The following TAF3 variants were observed in gnomAD, a reference collection of about 807,000 sequenced individuals.
TAF3 encodes the protein transcription initiation factor TFIID subunit 3.
TAF3 carries 7 observed loss-of-function variants against 80.6 expected under a neutral mutation model. The observed-to-expected ratio is 0.09, with a 90% CI of 0.05 to 0.16. The LOEUF (loss-of-function observed/expected upper bound fraction) is 0.16, where lower values mean the gene tolerates loss of function less well. Among genes scored for constraint, TAF3 ranks in the 10% least tolerant of loss-of-function variants. The pLI is 1.00. For synonymous variants in TAF3, 444 were observed against 446.1 expected, an observed-to-expected ratio of 1.00 and a Z score of 0.06; for missense variants, 921 against 1,140.2, an observed-to-expected ratio of 0.81 and a Z score of 2.77.
In TAF3 at chr10:7,818,673, G is replaced by C; in HGVS notation, c.-37G>C. The C allele has an allele frequency of 6.3e-7, 1 of 1,591,776 alleles. No homozygotes were observed. Among genetic ancestry groups the C allele is most frequent in the Non-Finnish European group, 8.5e-7 (1 of 1,171,778 alleles). ...GGTCTGGCGGCGGGGCTGGAGAGCA[G>C]TGGCAGCAAGGGCTGCGGTGGCGTC... On this transcript the variant is annotated 5_prime_UTR_variant, in exon 1 of 7. Coordinates refer to ENST00000344293, the MANE Select transcript of TAF3 (RefSeq NM_031923.4).
chr10:7,962,594 C>G (rs186270459), intron 2 of TAF3, among the ~76,000 whole-genome samples: 41 of 152,344 alleles, frequency 2.7e-4, no homozygotes, highest in African/African-American at 9.4e-4. Flanking sequence ...GTTTCTCTTA[C>G]ACTCCCCGTG....
chr10:7,873,261 A>G (rs1837283573), intron 2 of TAF3, among the ~76,000 whole-genome samples: 1 of 152,108 alleles, frequency 6.6e-6, no homozygotes, highest in Non-Finnish European at 1.5e-5. Flanking sequence ...GAAATACTCT[A>G]GCTAAAAAGT....
chr10:7,883,765 T>C (rs1275460038), intron 2 of TAF3, among the ~76,000 whole-genome samples: 1 of 152,200 alleles, frequency 6.6e-6, no homozygotes, highest in African/African-American at 2.4e-5. Context: ...TTTTACTCAG[T>C]ATATTATACT....
chr10:7,865,588 G>A (rs925307500), intron 2 of TAF3, among the ~76,000 whole-genome samples: 11 of 152,220 alleles, frequency 7.2e-5, no homozygotes, highest in African/African-American at 2.7e-4. Flanking sequence ...GGAGGTGGGC[G>A]TAGTAACAGG....
rs1831543535 is a variant in TAF3 at position 7,964,212 on chromosome 10, G to A, written c.702G>A (p.Gln234=). 2 of 1,614,148 alleles carry A rather than the reference G, an allele frequency of 1.2e-6. No homozygotes were observed. The highest frequency in any genetic ancestry group is 2.7e-5 in the African/African-American group (2 of 75,018). ...CAATGCTTTCTCCAGTCCATGTACA[G>A]GACAGTACAGACTTGGCACCTCCCT... ...IPPMLSPVHV[Q]DSTDLAPPSP... The change falls in exon 3 of 7, where the codon CAG becomes CAA. Residue 234 remains glutamine, a synonymous_variant. Transcript: ENST00000344293. The surrounding 1 kb of genome is among the most constrained non-coding windows in gnomAD (Gnocchi z 4.1).
chr10:7,992,690 T>C (rs2131429197), intron 4 of TAF3, among the ~76,000 whole-genome samples: 1 of 152,310 alleles, frequency 6.6e-6, no homozygotes, highest in East Asian at 1.9e-4. Flanking sequence ...ACCTAGTAGT[T>C]CATATGTGCC....
At chr10:7,915,085 T>C (rs1045490828) in intron 2 of TAF3, among the ~76,000 whole-genome samples, 1 of 151,430 alleles carries the variant, frequency 6.6e-6, no homozygotes, top group African/African-American at 2.4e-5. Flanking sequence ...GGACTACAGG[T>C]GCCTGCCACC....
intron 2 of TAF3, among the ~76,000 whole-genome samples, chr10:7,825,276 A>G (rs1836728799): frequency 6.6e-6 from 1 of 152,208 alleles, no homozygotes; most frequent in South Asian, 2.1e-4. Flanking sequence ...AAATTCTAAA[A>G]CCTGTATACT....
chr10:7,864,822 C>CT (rs35873776), intron 2 of TAF3, among the ~76,000 whole-genome samples: 160 of 150,030 alleles, frequency 1.1e-3, no homozygotes, highest in Middle Eastern at 3.4e-3. Context: ...TATAGTTTAT[C>CT]TTTTTTTTTT....
chr10:7,942,316 A>C (rs1346330700), intron 2 of TAF3, among the ~76,000 whole-genome samples: 1 of 152,238 alleles, frequency 6.6e-6, no homozygotes, highest in Non-Finnish European at 1.5e-5. Context: ...ATATTTTATC[A>C]AACATATTTT....
intron 2 of TAF3, among the ~76,000 whole-genome samples, chr10:7,863,951 A>G (rs775289051): frequency 1.3e-4 from 20 of 152,012 alleles, no homozygotes; most frequent in Non-Finnish European, 2.6e-4. Context: ...GAACAGTTTT[A>G]GATTCATAGC....
chr10:7,836,255 A>G (rs550523279), intron 2 of TAF3, among the ~76,000 whole-genome samples: 1 of 150,246 alleles, frequency 6.7e-6, no homozygotes, highest in African/African-American at 2.4e-5. Flanking sequence ...CCCTGCAACC[A>G]GTTGCAGTTG....
intron 2 of TAF3, among the ~76,000 whole-genome samples, chr10:7,864,823 T>C (rs1183021014): frequency 6.3e-5 from 1 of 15,988 alleles, no homozygotes; most frequent in African/African-American, 1.3e-4. Flanking sequence ...ATAGTTTATC[T>C]TTTTTTTTTT....
At chr10:7,916,492 T>C (rs2131184502) in intron 2 of TAF3, among the ~76,000 whole-genome samples, 1 of 152,366 alleles carries the variant, frequency 6.6e-6, no homozygotes, top group East Asian at 1.9e-4. Flanking sequence ...CTAATATACC[T>C]ATATGTCTCC....
intron 2 of TAF3, among the ~76,000 whole-genome samples, chr10:7,876,695 C>T (rs1564354214): frequency 6.6e-6 from 1 of 152,164 alleles, no homozygotes; most frequent in African/African-American, 2.4e-5. Context: ...TCCTAAAAGT[C>T]AGGAAAGTTC....
intron 2 of TAF3, among the ~76,000 whole-genome samples, chr10:7,941,306 TTTG>T (rs1837973647): frequency 6.6e-6 from 1 of 152,260 alleles, no homozygotes; most frequent in Non-Finnish European, 1.5e-5. Flanking sequence ...ACAGTAAATA[TTTG>T]TTGAATTAAA....
chr10:7,922,884 G>A (rs1035421185), intron 2 of TAF3, among the ~76,000 whole-genome samples: 41 of 152,104 alleles, frequency 2.7e-4, no homozygotes, highest in African/African-American at 8.2e-4. Flanking sequence ...CATAATTGGA[G>A]CAGTGTCTTG....
rs549209246 is a variant in TAF3, at chr10:7,970,171, G to A, written c.2232+4429G>A. Among the ~76,000 whole-genome samples, 100 of 152,262 alleles carry A rather than the reference G, an allele frequency of 6.6e-4. No homozygotes were observed. The South Asian group carries it at 0.018, about 28-fold the overall frequency. On this transcript the variant is annotated intron_variant, in intron 3 of 6. Transcript: ENST00000344293. ...AACCCCTGCATAATTGGGAGTTGTCGACAATGGAAAGCCCATAAATTCTAG... is the reference window on the plus strand; with the variant it reads ...AACCCCTGCATAATTGGGAGTTGTCAACAATGGAAAGCCCATAAATTCTAG...
At chr10:7,959,633 ATGAGT>A (rs1335673862) in intron 2 of TAF3, among the ~76,000 whole-genome samples, 7 of 152,210 alleles carry the variant, frequency 4.6e-5, no homozygotes, top group African/African-American at 1.7e-4. Context: ...TGATACCGTT[ATGAGT>A]TATTTGAGCT....
Sources: allele counts gnomAD v4.1 joint callset (sites outside exome capture counted in the v4.1 genomes callset), GRCh38; gene constraint gnomAD v4.1.1; non-coding constraint Gnocchi (gnomAD v3.1); transcripts MANE v1.5; gene names NCBI Gene and HGNC (gene_info 2026-07-23, HGNC 2026-07-21).